RASEF: variants seen among roughly 807,000 people sequenced by gnomAD.
RASEF encodes ras and EF-hand domain-containing protein.
A neutral mutation model predicts 90.1 loss-of-function variants in RASEF; 68 were observed. That is an observed-to-expected ratio of 0.75 (90% confidence interval 0.62 to 0.92). The LOEUF (loss-of-function observed/expected upper bound fraction) is 0.92, where lower values mean the gene tolerates loss of function less well. Among genes scored for constraint, RASEF ranks in the 40% least tolerant of loss-of-function variants. The pLI, the probability that RASEF is intolerant of heterozygous loss-of-function variation, is 0.00. For synonymous variants in RASEF, 331 were observed against 345.2 expected (o/e 0.96, Z 0.46); for missense variants, 949 against 937.2 (o/e 1.01, Z -0.16).
At chr9:83,190,855 C>T in the RASEF span, among the ~76,000 whole-genome samples, 542 of 152,320 alleles carry the variant, frequency 3.6e-3, 2 homozygotes, top group African/African-American at 0.012. Context: ...TAGACTCAGC[C>T]TCTCCCATCT....
At chr9:83,186,069 G>T in the RASEF span, among the ~76,000 whole-genome samples, 2 of 152,154 alleles carry the variant, frequency 1.3e-5, no homozygotes, top group African/African-American at 4.8e-5. Context: ...TATAGGGGCT[G>T]CCTGAGCAAC....
the RASEF span, among the ~76,000 whole-genome samples, chr9:83,177,457 T>G: frequency 6.6e-6 from 1 of 152,264 alleles, no homozygotes; most frequent in South Asian, 2.1e-4. Flanking sequence ...TGGAAGATTG[T>G]CTCCTGGATA....
intron 4 of RASEF, among the ~76,000 whole-genome samples, chr9:83,013,972 T>C (rs547351113): frequency 6.6e-6 from 1 of 152,276 alleles, no homozygotes; most frequent in East Asian, 1.9e-4. Flanking sequence ...AGGATTCAGG[T>C]CTCCTGACAC....
the RASEF span, among the ~76,000 whole-genome samples, chr9:83,210,447 T>C: frequency 6.6e-6 from 1 of 152,242 alleles, no homozygotes; most frequent in African/African-American, 2.4e-5. Flanking sequence ...AAGGTCAGCC[T>C]GGTTGAGAAC....
Position 82,998,360 on chromosome 9 carries a change from C to G in RASEF, c.1805+5G>C. Reference sequence around the variant, plus strand: ...ATATCCCATAGCGCTGCGGAATGCACTTGCCTCTCCTGACCAGCTGTATCC... The same window carrying G: ...ATATCCCATAGCGCTGCGGAATGCAGTTGCCTCTCCTGACCAGCTGTATCC... On this transcript the variant is annotated splice_donor_5th_base_variant and intron_variant, in intron 13 of 16. Coordinates refer to ENST00000376447, the MANE Select transcript of RASEF (RefSeq NM_152573.4). 3 of 1,602,624 alleles carry G rather than the reference C, an allele frequency of 1.9e-6. No homozygotes were observed. The highest frequency in any genetic ancestry group is 2.6e-6 in the Non-Finnish European group (3 of 1,169,650).
At chr9:83,137,117 A>C in the RASEF span, among the ~76,000 whole-genome samples, 4 of 152,144 alleles carry the variant, frequency 2.6e-5, no homozygotes, top group African/African-American at 9.6e-5. Context: ...TGTTTTACTG[A>C]AATGTTATCC....
chr9:83,063,279 G>C, upstream of RASEF: 1 of 188,658 alleles, frequency 5.3e-6, no homozygotes. Flanking sequence ...GCGCAGGTGG[G>C]GGAGACCTGG....
At chr9:83,182,021 C>A in the RASEF span, among the ~76,000 whole-genome samples, 1 of 152,164 alleles carries the variant, frequency 6.6e-6, no homozygotes, top group Non-Finnish European at 1.5e-5. Flanking sequence ...GAGTCAGAGT[C>A]CCTTCTTATT....
At chr9:83,043,665 G>A (rs1255637725) in intron 1 of RASEF, among the ~76,000 whole-genome samples, 1 of 152,156 alleles carries the variant, frequency 6.6e-6, no homozygotes, top group East Asian at 1.9e-4. Context: ...AGCACCCCCA[G>A]GCAAAATTTT....
the RASEF span, among the ~76,000 whole-genome samples, chr9:83,216,090 C>G: frequency 2.6e-5 from 4 of 152,084 alleles, no homozygotes; most frequent in East Asian, 7.7e-4. Context: ...AATTTCTAAG[C>G]AGCAAAGTGT....
chr9:83,040,038 A>C (rs1228082459), intron 1 of RASEF, among the ~76,000 whole-genome samples: 1 of 151,966 alleles, frequency 6.6e-6, no homozygotes, highest in African/African-American at 2.4e-5. Context: ...GTCTCATGAG[A>C]TCTGATGGTT....
In RASEF at chr9:83,001,128, G is replaced by A. The variant is rs1177790284; in HGVS notation, c.1205C>T (p.Ser402Leu). 3.1e-6 allele frequency: 5 copies of A among 1,610,126 alleles called. No individual in the cohort carries two copies. Among genetic ancestry groups the A allele is most frequent in the Non-Finnish European group, 4.2e-6 (5 of 1,176,630 alleles). Residue 402 changes from serine (S) to leucine (L), a missense_variant and splice_region_variant, in exon 10 of 17, where the codon TCA (serine) becomes TTA (leucine). Ser to Leu is a moderately radical substitution (Grantham distance 145, BLOSUM62 -2). Transcript: ENST00000376447. ...HSPQPLGYDR[S>L]SRSSYVDEDC... is the part of the protein sequence containing the mutation. ...CTCATCCACATAGGAAGAGCGGGAT[G>A]ACCTGGTAATAAAGGGGAAGACCAA...
the RASEF span, among the ~76,000 whole-genome samples, chr9:83,207,661 G>A: frequency 0.16 from 22,618 of 142,168 alleles, 2,173 homozygotes; most frequent in Admixed American, 0.24. Context: ...GTGGTGGAGC[G>A]CAGTGGCGCA....
intron 5 of RASEF, among the ~76,000 whole-genome samples, chr9:83,010,827 CT>C (rs770372962): frequency 1.8e-4 from 28 of 152,112 alleles, no homozygotes; most frequent in Non-Finnish European, 3.1e-4. Flanking sequence ...GGAGAAAGGC[CT>C]TCAGGTGAGC....
chr9:82,993,025 C>G lies in RASEF; in HGVS notation c.1921G>C (p.Asp641His). ...ATGGGAACAGTCTCATGGGCTGCAT[C>G]CTACCAGGAAGAAAAAAAAAATGGG... The part of the protein sequence containing the change: ...NIREWVDMIE[D>H]AAHETVPIML... The change falls in exon 15 of 17, where the codon GAT becomes CAT. Residue 641 changes from aspartate to histidine, a missense_variant and splice_region_variant. This residue lies in a region of RASEF where 288 missense variants were observed against 328.4 expected (regional missense o/e 0.88). Coordinates refer to ENST00000376447, the MANE Select transcript of RASEF (RefSeq NM_152573.4). The G allele has an allele frequency of 6.2e-7, 1 of 1,611,762 alleles. No individual in the cohort carries two copies. The highest frequency in any genetic ancestry group is 8.5e-7 in the Non-Finnish European group (1 of 1,179,322).
the RASEF span, among the ~76,000 whole-genome samples, chr9:83,170,661 A>G: frequency 6.6e-6 from 1 of 151,454 alleles, no homozygotes; most frequent in Non-Finnish European, 1.5e-5. Flanking sequence ...TTCCTGGGTA[A>G]TTTTTGGTAG....
At chr9:83,144,006 A>G in the RASEF span, among the ~76,000 whole-genome samples, 4 of 152,104 alleles carry the variant, frequency 2.6e-5, no homozygotes, top group East Asian at 5.8e-4. Context: ...TTGCAGCAAC[A>G]TGGTTGGAGG....
chr9:83,007,088 T>C (rs7045914), intron 7 of RASEF, among the ~76,000 whole-genome samples: 74,737 of 141,172 alleles, frequency 0.53, 19,771 homozygotes, highest in East Asian at 0.72. Context: ...GGCAAGACTC[T>C]GTCTCAAAAA....
chr9:83,158,220 TAATTG>T, the RASEF span, among the ~76,000 whole-genome samples: 1 of 152,164 alleles, frequency 6.6e-6, no homozygotes, highest in Non-Finnish European at 1.5e-5. Context: ...TTCATCCAAT[TAATTG>T]AATTAAAGTA....
Sources: gnomAD v4.1 joint callset for allele counts (sites outside exome capture counted in the v4.1 genomes callset) on GRCh38, gnomAD v4.1.1 for gene constraint, gnomAD v4.1.1 regional missense constraint, MANE v1.5 for transcripts, NCBI Gene and HGNC (gene_info 2026-07-23, HGNC 2026-07-21) for gene names.